The following MDC1 variants were observed in gnomAD, a reference collection of about 807,000 sequenced individuals.
The protein encoded by MDC1 is mediator of DNA damage checkpoint 1.
In MDC1, 81 loss-of-function variants were observed where a neutral mutation model predicts 142.5. The ratio of observed to expected loss-of-function variants is 0.57; its 90% CI spans 0.47 to 0.68. The LOEUF is 0.68. MDC1 is among the 30% of genes least tolerant of loss of function. The pLI is 0.00. For missense variants in MDC1, 2,119 were observed against 2,547.9 expected, an observed-to-expected ratio of 0.83 and a Z score of 3.62; for synonymous variants, 797 against 968.4, an observed-to-expected ratio of 0.82 and a Z score of 3.29.
chr6:30,707,936 T>A lies in MDC1; in HGVS notation c.2643A>T (p.Ala881=), dbSNP rs767918214. 5.6e-6 allele frequency: 9 copies of A among 1,612,988 alleles called. No homozygotes were observed. The highest frequency in any genetic ancestry group is 7.6e-6 in the Non-Finnish European group (9 of 1,180,050). Reference sequence around the variant, plus strand: ...AACTCTCCCTATCTCTTTCAGGACTTGCACTTTCCCCATTTTTGTCAGATT... The same window carrying A: ...AACTCTCCCTATCTCTTTCAGGACTAGCACTTTCCCCATTTTTGTCAGATT... ...RQESDKNGES[A]SPERDRESLK... Residue 881 remains alanine, a synonymous_variant, in exon 8 of 15, where the codon GCA becomes GCT. Coordinates refer to ENST00000376406, the MANE Select transcript of MDC1 (RefSeq NM_014641.3).
At position 30,704,894 on chromosome 6, in the gene MDC1, G is replaced by A. The variant is rs755458710; in HGVS notation, c.4289C>T (p.Ser1430Phe). 2.5e-6 allele frequency: 4 copies of A among 1,604,940 alleles called. No individual in the cohort carries two copies. The Admixed American group carries it at 6.8e-5, about 27-fold the overall frequency. The change falls in exon 10 of 15, where the codon TCT (serine) becomes TTT (phenylalanine). Residue 1430 changes from serine (S) to phenylalanine (F), a missense_variant. Ser to Phe is a radical substitution (Grantham distance 155). Coordinates refer to ENST00000376406, the MANE Select transcript of MDC1 (RefSeq NM_014641.3). ...TDQPVTPEPTSQATRGRTNRS... is the reference protein window; with the variant it reads ...TDQPVTPEPTFQATRGRTNRS... Reference sequence around the variant, plus strand: ...ATTTGTCCTGCCCCTGGTGGCCTGAGATGTGGGCTCAGGAGTGACAGGTTG... The same window carrying A: ...ATTTGTCCTGCCCCTGGTGGCCTGAAATGTGGGCTCAGGAGTGACAGGTTG...
chr6:30,705,899 G>A lies in MDC1; in HGVS notation c.3284C>T (p.Ser1095Phe). 6.2e-7 allele frequency: 1 copy of A among 1,613,162 alleles called. No homozygotes were observed. Among genetic ancestry groups the A allele is most frequent in the Middle Eastern group, 1.7e-4 (1 of 6,058 alleles). The change falls in exon 10 of 15, where the codon TCC becomes TTC. Residue 1095 changes from serine (S) to phenylalanine (F), a missense_variant. Physicochemically the swap from Ser to Phe is radical, Grantham distance 155. Transcript: ENST00000376406. The stretch of plus-strand genomic sequence containing the variant: ...TGGGTGGAAAGGCTCCAGCTCTGAG[G>A]ACAAGGGAGCCTCTGGAGCTTCCTG... ...GSQEAPEAPLSSELEPFHPKP... is the reference protein window; with the variant it reads ...GSQEAPEAPLFSELEPFHPKP...
rs760820577 is a variant in MDC1 at position 30,703,249 on chromosome 6, C to T, written c.5720G>A (p.Arg1907Gln). 1.7e-5 allele frequency: 28 copies of T among 1,612,796 alleles called. No homozygotes were observed. The highest frequency in any genetic ancestry group is 5.3e-5 in the African/African-American group (4 of 74,922). Residue 1907 changes from arginine to glutamine, a missense_variant, in exon 12 of 15, where the codon CGG becomes CAG. Physicochemically the swap from Arg to Gln is conservative, Grantham distance 43. Coordinates refer to ENST00000376406, the MANE Select transcript of MDC1 (RefSeq NM_014641.3). The surrounding 1 kb of genome is among the most constrained non-coding windows in gnomAD (Gnocchi z 4.4). ...FTGVVDARGE[R>Q]AVLALGGSLA... ...ACTTCCCCCCAGTGCCAGCACAGCC[C>T]GCTCTCCCCGAGCATCCACCACTCC...
rs1239024911 is a variant in MDC1 at position 30,708,277 on chromosome 6, A to G, written c.2302T>C (p.Phe768Leu). ...CCATAGGCCTCAAGGTGCGTGTCAA[A>G]AGGCTGGGTCTCAGAGTCCTCAGAC... is the stretch of plus-strand genomic sequence containing the variant. ...RESEDSETQP[F>L]DTHLEAYGPC... The change falls in exon 8 of 15, where the codon TTT (phenylalanine) becomes CTT (leucine). Residue 768 changes from phenylalanine to leucine, a missense_variant. Phe to Leu is a conservative substitution (Grantham distance 22). Transcript: ENST00000376406. The G allele has an allele frequency of 6.2e-7, 1 of 1,612,982 alleles. No individual in the cohort carries two copies. The highest frequency in any genetic ancestry group is 2.2e-5 in the East Asian group (1 of 44,866).
intron 8 of MDC1, 32 bp from the exon 9 acceptor site, chr6:30,707,486 G>A (rs763504522): frequency 6.2e-7 from 1 of 1,613,046 alleles, no homozygotes; most frequent in Non-Finnish European, 8.5e-7. Flanking sequence ...AGGTGGCTGA[G>A]TTCCAAGCAG....
Position 30,704,120 on chromosome 6 carries a change from G to C in MDC1, c.5063C>G (p.Thr1688Arg). 6.2e-7 allele frequency: 1 copy of C among 1,614,034 alleles called. No individual in the cohort carries two copies. The highest frequency in any genetic ancestry group is 8.5e-7 in the Non-Finnish European group (1 of 1,179,958). Residue 1688 changes from threonine to arginine, a missense_variant, in exon 10 of 15, where the codon ACA becomes AGA. Coordinates refer to ENST00000376406, the MANE Select transcript of MDC1 (RefSeq NM_014641.3). ...GGTAGGAACCGGCATAGCTCTTACT[G>C]TGGAAGACCTCAGTGTTTTGCTCTG... Reference protein sequence around the residue: ...GGQSKTLRSSTVRAMPVPTTP... With the variant: ...GGQSKTLRSSRVRAMPVPTTP...
chr6:30,713,269 C>T lies in MDC1; in HGVS notation c.673G>A (p.Gly225Ser). Reference protein sequence around the residue: ...NLNSDTDVEEGQQPATEEASS... With the variant: ...NLNSDTDVEESQQPATEEASS... Reference sequence around the variant, plus strand: ...GCCTCCTCTGTGGCTGGTTGCTGACCTTCTTCCACATCTGTGTCACTGTTC... The same window carrying T: ...GCCTCCTCTGTGGCTGGTTGCTGACTTTCTTCCACATCTGTGTCACTGTTC... The change falls in exon 5 of 15, where the codon GGT becomes AGT. Residue 225 changes from glycine (G) to serine (S), a missense_variant. By Grantham distance (56) the Gly-to-Ser change is moderately conservative (BLOSUM62 0). Transcript: ENST00000376406. This position sits in a 1 kb window ranked among gnomAD's most constrained non-coding sequence, Gnocchi z 4.9. 1 of 1,613,022 alleles carries T rather than the reference C, an allele frequency of 6.2e-7. No homozygotes were observed. The highest frequency in any genetic ancestry group is 1.1e-5 in the South Asian group (1 of 91,088).
At position 30,708,304 on chromosome 6, in the gene MDC1, C is replaced by T. The variant is rs768790566; in HGVS notation, c.2275G>A (p.Glu759Lys). ...VLATQPFCLR[E>K]SEDSETQPFD... is the part of the protein sequence containing the mutation. ...GGCTGGGTCTCAGAGTCCTCAGACT[C>T]TCTCAGACAGAATGGCTGTGTAGCC... The change falls in exon 8 of 15, where the codon GAG becomes AAG. Residue 759 changes from glutamate (E) to lysine (K), a missense_variant. Physicochemically the swap from Glu to Lys is moderately conservative, Grantham distance 56. Coordinates refer to ENST00000376406, the MANE Select transcript of MDC1 (RefSeq NM_014641.3). 1.9e-6 allele frequency: 3 copies of T among 1,612,742 alleles called. No homozygotes were observed. The highest frequency in any genetic ancestry group is 2.2e-5 in the East Asian group (1 of 44,876).
chr6:30,713,913 G>C lies in MDC1; in HGVS notation c.407C>G (p.Ser136Cys). Residue 136 changes from serine to cysteine, a missense_variant, in exon 3 of 15, where the codon TCT becomes TGT. Transcript: ENST00000376406. The surrounding 1 kb of genome is among the most constrained non-coding windows in gnomAD (Gnocchi z 4.9). ...AGGGCCCCGGGAGACAAAGGGCAGA[G>C]AGACATCCAGGCGATGGTACTGGCA... is the stretch of plus-strand genomic sequence containing the variant. ...LLCQYHRLDV[S>C]LPFVSRGPLT... 1 of 1,613,600 alleles carries C rather than the reference G, an allele frequency of 6.2e-7. No individual in the cohort carries two copies. The highest frequency in any genetic ancestry group is 8.5e-7 in the Non-Finnish European group (1 of 1,180,046).
rs755459280 is a variant in MDC1 at position 30,713,868 on chromosome 6, G to C, written c.452C>G (p.Pro151Arg). Reference sequence around the variant, plus strand: ...GGGTTGAGTTTCTCCCTGTACTCTGGGTGTCTCTTCTACTGTCAGAGGGCC... The same window carrying C: ...GGGTTGAGTTTCTCCCTGTACTCTGCGTGTCTCTTCTACTGTCAGAGGGCC... ...SRGPLTVEET[P>R]RVQGETQPQR... Residue 151 changes from proline to arginine, a missense_variant, in exon 3 of 15, where the codon CCC becomes CGC. By Grantham distance (103) the Pro-to-Arg change is moderately radical. Transcript: ENST00000376406. This position sits in a 1 kb window ranked among gnomAD's most constrained non-coding sequence, Gnocchi z 4.9. The C allele has an allele frequency of 2.1e-5, 34 of 1,613,840 alleles. No homozygotes were observed. The highest frequency in any genetic ancestry group is 2.7e-5 in the Non-Finnish European group (32 of 1,180,016).
chr6:30,707,376 G>A lies in MDC1; in HGVS notation c.3084+8C>T, dbSNP rs757531260. On this transcript the variant is annotated splice_region_variant and intron_variant, in intron 9 of 14. Transcript: ENST00000376406. ...TGTGGAATAGGAGGTAGAAAAAGTA[G>A]CTCTCACCCTGGAAACCTTCTCAGC... is the stretch of plus-strand genomic sequence containing the variant. The A allele has an allele frequency of 6.2e-6, 10 of 1,613,006 alleles. No individual in the cohort carries two copies. The highest frequency in any genetic ancestry group is 7.6e-6 in the Non-Finnish European group (9 of 1,179,914).
rs754645519 is a variant in MDC1, at chr6:30,707,877, T to C, written c.2702A>G (p.Gln901Arg). The part of the protein sequence containing the change: ...KVEIETSEEI[Q>R]EKQVQKQTLP... The stretch of plus-strand genomic sequence containing the variant: ...GGTCTGCTTCTGTACTTGTTTCTCT[T>C]GTATTTCCTCAGATGTCTCAATTTC... Residue 901 changes from glutamine to arginine, a missense_variant, in exon 8 of 15, where the codon CAA (glutamine) becomes CGA (arginine). Transcript: ENST00000376406. 9 of 1,613,144 alleles carry C rather than the reference T, an allele frequency of 5.6e-6. No homozygotes were observed. In the South Asian group the frequency reaches 9.9e-5, roughly 18 times the overall value.
Position 30,711,873 on chromosome 6 carries a change from C to T in MDC1, c.2068+1G>A. ...GTCTAGGAAGGAAGGCCAGCACTTA[C>T]CACCATAGTTGTCTTCAGAGTCCTT... On this transcript the variant is annotated splice_donor_variant, in intron 5 of 14. Transcript: ENST00000376406. LOFTEE classifies it high-confidence loss of function. The T allele has an allele frequency of 6.5e-7, 1 of 1,534,712 alleles. No homozygotes were observed.
At position 30,708,258 on chromosome 6, in the gene MDC1, G is replaced by A. The variant is rs764563330; in HGVS notation, c.2321C>T (p.Ala774Val). The A allele has an allele frequency of 2.5e-6, 4 of 1,613,034 alleles. No homozygotes were observed. The highest frequency in any genetic ancestry group is 3.4e-6 in the Non-Finnish European group (4 of 1,180,026). ...ETQPFDTHLE[A>V]YGPCLSPPRA... ...AGGTGGAGACAGGCAAGGTCCATAG[G>A]CCTCAAGGTGCGTGTCAAAAGGCTG... Residue 774 changes from alanine (A) to valine (V), a missense_variant, in exon 8 of 15, where the codon GCC becomes GTC. Ala to Val is a moderately conservative substitution (Grantham distance 64). Coordinates refer to ENST00000376406, the MANE Select transcript of MDC1 (RefSeq NM_014641.3).
Position 30,713,632 on chromosome 6 carries a change from ACTCTTTGGCACTCAC to A in MDC1, c.587+1_587+15del. 1 of 1,611,564 alleles carries A rather than the reference ACTCTTTGGCACTCAC, an allele frequency of 6.2e-7. No homozygotes were observed. The highest frequency in any genetic ancestry group is 8.5e-7 in the Non-Finnish European group (1 of 1,178,220). ...CTCATTTTGAAGACTCAGGTGTCTG[ACTCTTTGGCACTCAC>A]CTCTCTGGAACTATCACAGAGGAAG... On this transcript the variant is annotated splice_donor_variant and splice_donor_5th_base_variant and intron_variant, in intron 4 of 14. Transcript: ENST00000376406. LOFTEE classifies it high-confidence loss of function. The surrounding 1 kb of genome is among the most constrained non-coding windows in gnomAD (Gnocchi z 4.9).
Position 30,712,478 on chromosome 6 carries a change from G to A in MDC1, c.1464C>T (p.Asp488=), listed in dbSNP as rs766132452. 2 of 1,613,040 alleles carry A rather than the reference G, an allele frequency of 1.2e-6. No individual in the cohort carries two copies. Among genetic ancestry groups the A allele is most frequent in the Non-Finnish European group, 1.7e-6 (2 of 1,180,014 alleles). ...CATCACTGTCCCCAAAAGGAGGTTG[G>A]TCCTTTTCTGAATGTGCTCTAACAA... ...RALVRAHSEK[D]QPPFGDSDDS... is the part of the protein sequence containing the mutation. Residue 488 remains aspartate (D), a synonymous_variant, in exon 5 of 15, where the codon GAC becomes GAT. Coordinates refer to ENST00000376406, the MANE Select transcript of MDC1 (RefSeq NM_014641.3). This position sits in a 1 kb window ranked among gnomAD's most constrained non-coding sequence, Gnocchi z 4.7.
In MDC1 at chr6:30,712,854, G is replaced by T; in HGVS notation, c.1088C>A (p.Ala363Glu). Residue 363 changes from alanine to glutamate, a missense_variant, in exon 5 of 15, where the codon GCA (alanine) becomes GAA (glutamate). Ala to Glu is a moderately radical substitution (Grantham distance 107, BLOSUM62 -1). Coordinates refer to ENST00000376406, the MANE Select transcript of MDC1 (RefSeq NM_014641.3). The surrounding 1 kb of genome is among the most constrained non-coding windows in gnomAD (Gnocchi z 4.7). ...CTCCTGCAGATGGGCCAGGCCTGGT[G>T]CTCCAGGACCCCTTGTACCTACTCC... The part of the protein sequence containing the change: ...FHGVGTRGPG[A>E]PGLAHLQESQ... 1 of 1,613,028 alleles carries T rather than the reference G, an allele frequency of 6.2e-7. No individual in the cohort carries two copies. Among genetic ancestry groups the T allele is most frequent in the Non-Finnish European group, 8.5e-7 (1 of 1,180,032 alleles).
At position 30,705,644 on chromosome 6, in the gene MDC1, G is replaced by C; in HGVS notation, c.3539C>G (p.Ser1180Cys). ...CCTAGTAACCTGAGATGTGGGCTCAGAGGTGACAGGCTGGTCTGTGGAGGT... is the reference window on the plus strand; with the variant it reads ...CCTAGTAACCTGAGATGTGGGCTCACAGGTGACAGGCTGGTCTGTGGAGGT... The part of the protein sequence containing the change: ...PSTSTDQPVT[S>C]EPTSQVTRGR... The change falls in exon 10 of 15, where the codon TCT becomes TGT. Residue 1180 changes from serine (S) to cysteine (C), a missense_variant. Physicochemically the swap from Ser to Cys is moderately radical, Grantham distance 112. Coordinates refer to ENST00000376406, the MANE Select transcript of MDC1 (RefSeq NM_014641.3). The C allele has an allele frequency of 6.2e-7, 1 of 1,605,144 alleles. No homozygotes were observed. Among genetic ancestry groups the C allele is most frequent in the Non-Finnish European group, 8.5e-7 (1 of 1,175,912 alleles).
intron 13 of MDC1, 36 bp from the exon 14 acceptor site, chr6:30,702,699 T>C (rs960543389): frequency 3.0e-5 from 48 of 1,612,230 alleles, no homozygotes; most frequent in Non-Finnish European, 3.3e-5. Flanking sequence ...GTATTGTAGA[T>C]TGGGAAGCAC....
Sources: allele counts gnomAD v4.1 joint callset, GRCh38; gene constraint gnomAD v4.1.1; non-coding constraint Gnocchi (gnomAD v3.1); transcripts MANE v1.5; gene names NCBI Gene and HGNC (gene_info 2026-07-23, HGNC 2026-07-21).